The following CCT8 variants were observed in gnomAD, a reference collection of about 807,000 sequenced individuals.
CCT8 encodes the protein T-complex protein 1 subunit theta.
Under a neutral mutation model 65.7 loss-of-function variants are expected in CCT8, and 10 were observed. The ratio of observed to expected loss-of-function variants is 0.15; its 90% CI spans 0.09 to 0.26. CCT8 has a LOEUF of 0.26. Ranked by LOEUF, CCT8 falls within the 10% of genes least tolerant of loss-of-function variation. CCT8 has a pLI of 1.00. For synonymous variants in CCT8, 199 were observed against 221.8 expected (o/e 0.90, Z 0.92); for missense variants, 568 against 669.1 (o/e 0.85, Z 1.67).
At chr21:29,063,597 A>G (rs542679769) in intron 7 of CCT8, 67 bp from the exon 8 acceptor site, 3 of 1,482,464 alleles carry the variant, frequency 2.0e-6, no homozygotes, top group African/African-American at 1.4e-5. Context: ...GTCATTAGAT[A>G]ATAGTTGACT....
At chr21:29,057,403 G>T (rs1272180224) in intron 14 of CCT8, among the ~76,000 whole-genome samples, 1 of 150,754 alleles carries the variant, frequency 6.6e-6, no homozygotes, top group African/African-American at 2.4e-5. Flanking sequence ...ACTCCTGCAT[G>T]ATCCACCCGC....
Position 29,070,301 on chromosome 21 carries a change from T to A in CCT8, c.97A>T (p.Ile33Leu). The change falls in exon 2 of 15, where the codon ATA (isoleucine) becomes TTA (leucine). Residue 33 changes from isoleucine to leucine, a missense_variant. Coordinates refer to ENST00000286788, the MANE Select transcript of CCT8 (RefSeq NM_006585.4). ...TGGGCAAGCTCCTTGCAAGCTTGTA[T>A]GTTTCTATACACAGCCTCTTCTAAT... Reference protein sequence around the residue: ...SGLEEAVYRNIQACKELAQTT... With the variant: ...SGLEEAVYRNLQACKELAQTT... 2 of 1,612,568 alleles carry A rather than the reference T, an allele frequency of 1.2e-6. No individual in the cohort carries two copies. Among genetic ancestry groups the A allele is most frequent in the Non-Finnish European group, 1.7e-6 (2 of 1,179,218 alleles).
Position 29,060,626 on chromosome 21 carries a change from G to C in CCT8, c.1484C>G (p.Ala495Gly). The C allele has an allele frequency of 6.2e-7, 1 of 1,613,742 alleles. No individual in the cohort carries two copies. Among genetic ancestry groups the C allele is most frequent in the Non-Finnish European group, 8.5e-7 (1 of 1,179,688 alleles). The change falls in exon 14 of 15, where the codon GCT (alanine) becomes GGT (glycine). Residue 495 changes from alanine (A) to glycine (G), a missense_variant. Coordinates refer to ENST00000286788, the MANE Select transcript of CCT8 (RefSeq NM_006585.4). ...TCCCAGGTAAGTATCTAGAATACCAGCTTCCAGCATGTCCTTTACAGCAGG... is the reference window on the plus strand; with the variant it reads ...TCCCAGGTAAGTATCTAGAATACCACCTTCCAGCATGTCCTTTACAGCAGG... ...EVPAVKDMLEAGILDTYLGKY... is the reference protein window; with the variant it reads ...EVPAVKDMLEGGILDTYLGKY...
Position 29,062,183 on chromosome 21 carries a change from T to C in CCT8, c.1157A>G (p.Asp386Gly), listed in dbSNP as rs1207027848. The change falls in exon 11 of 15, where the codon GAT becomes GGT. Residue 386 changes from aspartate to glycine, a missense_variant. Asp to Gly is a moderately conservative substitution (Grantham distance 94). Coordinates refer to ENST00000286788, the MANE Select transcript of CCT8 (RefSeq NM_006585.4). ...ATCGTCTACTGCCCTTTCTATGTCA[T>C]CCATCAGATTGTCTGTAGAGCCTCG... ...VLRGSTDNLM[D>G]DIERAVDDGV... 5 of 1,613,610 alleles carry C rather than the reference T, an allele frequency of 3.1e-6. No individual in the cohort carries two copies. Among genetic ancestry groups the C allele is most frequent in the Non-Finnish European group, 4.2e-6 (5 of 1,179,924 alleles).
At chr21:29,066,812 T>A in intron 5 of CCT8, 35 bp from the exon 6 acceptor site, 1 of 1,584,426 alleles carries the variant, frequency 6.3e-7, no homozygotes, top group Non-Finnish European at 8.6e-7. Flanking sequence ...AAAGATTATT[T>A]TGGGACAACA....
intron 7 of CCT8, 65 bp downstream of exon 7, chr21:29,064,903 A>G: frequency 7.1e-7 from 1 of 1,415,398 alleles, no homozygotes; most frequent in Non-Finnish European, 9.9e-7. Context: ...CTGGTTTAAG[A>G]GCTAACTCAA....
chr21:29,072,071 G>C (rs756187882), intron 1 of CCT8: 2 of 651,862 alleles, frequency 3.1e-6, no homozygotes, highest in Non-Finnish European at 5.5e-6. Flanking sequence ...TAGTCCCTGA[G>C]CCTGGCATTT....
In CCT8 at chr21:29,067,554, G is replaced by A; in HGVS notation, c.381+2C>T. The A allele has an allele frequency of 6.9e-7, 1 of 1,442,562 alleles. No individual in the cohort carries two copies. Among genetic ancestry groups the A allele is most frequent in the Non-Finnish European group, 9.1e-7 (1 of 1,101,176 alleles). The allele number at this position is 1,442,562 out of a possible 1,614,324, so 89.4% of individuals were successfully genotyped here. ...AGGAGTAAATTATAAATGAACACTT[G>A]CCTCTGAAACTGACAGGCCAATCCT... On this transcript the variant is annotated splice_donor_variant, in intron 4 of 14. Coordinates refer to ENST00000286788, the MANE Select transcript of CCT8 (RefSeq NM_006585.4). LOFTEE classifies it low-confidence loss of function (GC_TO_GT_DONOR).
In CCT8 at chr21:29,066,983, A is replaced by T. The variant is rs138494282; in HGVS notation, c.470T>A (p.Ile157Asn). ...ACGAAGTAGAGATGAGACTTCATCA[A>T]TATCTCGAAGGTTTTTTGCAGAACA... ...VCCSAKNLRDIDEVSSLLRTS... is the reference protein window; with the variant it reads ...VCCSAKNLRDNDEVSSLLRTS... The change falls in exon 5 of 15, where the codon ATT becomes AAT. Residue 157 changes from isoleucine to asparagine, a missense_variant. By Grantham distance (149) the Ile-to-Asn change is moderately radical. Coordinates refer to ENST00000286788, the MANE Select transcript of CCT8 (RefSeq NM_006585.4). The T allele has an allele frequency of 6.2e-7, 1 of 1,613,578 alleles. No homozygotes were observed. Among genetic ancestry groups the T allele is most frequent in the Admixed American group, 1.7e-5 (1 of 60,016 alleles).
In CCT8 at chr21:29,057,572, C is replaced by G. The variant is rs573683492; in HGVS notation, c.1570-1020G>C. 7.2e-3 allele frequency among the ~76,000 whole-genome samples: 612 copies of G among 85,156 alleles called. 3 individuals carry two copies. The highest frequency in any genetic ancestry group is 0.017 in the Non-Finnish European group (478 of 27,966). The allele number at this position is 85,156 out of a possible 152,430, so 55.9% of individuals were successfully genotyped here. The stretch of plus-strand genomic sequence containing the variant: ...TTTGAGGCCAGGAGTTTGAGACCAG[C>G]CTGGGCAACAAAGTGAGACCTAGTC... On this transcript the variant is annotated intron_variant, in intron 14 of 14. Coordinates refer to ENST00000286788, the MANE Select transcript of CCT8 (RefSeq NM_006585.4).
intron 4 of CCT8, among the ~76,000 whole-genome samples, chr21:29,067,343 A>G (rs1601094480): frequency 6.6e-6 from 1 of 152,208 alleles, no homozygotes; most frequent in East Asian, 1.9e-4. Flanking sequence ...GGGAAAAAAA[A>G]TAGATAAAAT....
intron 3 of CCT8, among the ~76,000 whole-genome samples, chr21:29,068,842 T>C (rs1362680613): frequency 6.6e-6 from 1 of 152,212 alleles, no homozygotes; most frequent in African/African-American, 2.4e-5. Context: ...TAAGTTCTAG[T>C]GCTTTCAAGG....
Position 29,065,052 on chromosome 21 carries a change from T to C in CCT8, c.678A>G (p.Glu226=). The change falls in exon 7 of 15, where the codon GAA becomes GAG. Residue 226 remains glutamate, a synonymous_variant. Coordinates refer to ENST00000286788, the MANE Select transcript of CCT8 (RefSeq NM_006585.4). ...SVLHGMVFKK[E]TEGDVTSVKD... is the part of the protein sequence containing the mutation. ...TGACAGATGTTACATCACCTTCGGT[T>C]TCCTTCTTAAAAACCATGCCATGCA... 1 of 1,614,038 alleles carries C rather than the reference T, an allele frequency of 6.2e-7. No individual in the cohort carries two copies. Among genetic ancestry groups the C allele is most frequent in the African/African-American group, 1.3e-5 (1 of 75,050 alleles).
chr21:29,062,611 T>G, intron 8 of CCT8, 55 bp from the exon 9 acceptor site: 1 of 1,433,444 alleles, frequency 7.0e-7, no homozygotes, highest in Non-Finnish European at 9.7e-7. Context: ...AGATAGCATA[T>G]AAAGTTCAAA....
intron 3 of CCT8, 129 bp downstream of exon 3, chr21:29,069,294 G>C (rs2085657021): frequency 3.9e-6 from 2 of 515,506 alleles, no homozygotes; most frequent in East Asian, 6.6e-5. Context: ...AGAACAATCT[G>C]TACAATAAAT....
intron 4 of CCT8, 41 bp from the exon 5 acceptor site, chr21:29,067,112 A>T: frequency 1.3e-6 from 2 of 1,488,034 alleles, no homozygotes; most frequent in Non-Finnish European, 1.8e-6. Flanking sequence ...CATGACTTAA[A>T]GTAGCTTATT....
intron 1 of CCT8, chr21:29,073,299 T>G: frequency 7.1e-7 from 1 of 1,403,370 alleles, no homozygotes; most frequent in Non-Finnish European, 9.3e-7. Flanking sequence ...GTGTACAATG[T>G]CGATCGTGCC....
intron 7 of CCT8, among the ~76,000 whole-genome samples, chr21:29,064,409 T>TAAAAAAAAAAAAAAAAAAAAAAAACAA (rs2085597420): frequency 3.7e-5 from 1 of 26,714 alleles, no homozygotes; most frequent in African/African-American, 1.7e-4. Context: ...AGCAAGACTC[T>TAAAAAAAAAAAAAAAAAAAAAAAACAA]AAAAAAAAAA....
intron 8 of CCT8, chr21:29,062,923 T>C (rs1254817867): frequency 1.2e-5 from 4 of 336,216 alleles, no homozygotes; most frequent in Non-Finnish European, 1.6e-5. Context: ...CAATCAATGT[T>C]CTGTGAACAA....
Sources: allele counts gnomAD v4.1 joint callset (sites outside exome capture counted in the v4.1 genomes callset), GRCh38; gene constraint gnomAD v4.1.1; transcripts MANE v1.5; gene names NCBI Gene and HGNC (gene_info 2026-07-23, HGNC 2026-07-21).